Variants in GPHN observed in about 807,000 individuals in gnomAD.
GPHN encodes gephyrin.
Under a neutral mutation model 95.5 loss-of-function variants are expected in GPHN, and 17 were observed. That is an observed-to-expected ratio of 0.18 (90% confidence interval 0.12 to 0.27). GPHN has a LOEUF of 0.27. Among genes scored for constraint, GPHN ranks in the 10% least tolerant of loss-of-function variants. The probability of loss-of-function intolerance (pLI) is 1.00; values close to 1 mark genes in which losing one functional copy is unlikely to be tolerated. For missense variants in GPHN, 660 were observed against 978.1 expected, an observed-to-expected ratio of 0.67 and a Z score of 4.34; for synonymous variants, 320 against 322.5, an observed-to-expected ratio of 0.99 and a Z score of 0.08.
In GPHN at chr14:66,827,333, C is replaced by G. The variant is rs192950009; in HGVS notation, c.294+2767C>G. On this transcript the variant is annotated intron_variant, in intron 4 of 22. Transcript: ENST00000478722. ...GGGTGCAGAGGTTTGTTAGGAATAA[C>G]AAAAGGCACTCTGTACTGCTATCAC... Among the ~76,000 whole-genome samples the G allele has an allele frequency of 1.1e-3, 169 of 150,666 alleles. 1 individual carries two copies. Among genetic ancestry groups the G allele is most frequent in the Non-Finnish European group, 1.8e-3 (123 of 67,778 alleles).
intron 2 of GPHN, among the ~76,000 whole-genome samples, chr14:66,683,715 C>A (rs1333973178): frequency 6.6e-6 from 1 of 151,222 alleles, no homozygotes; most frequent in Non-Finnish European, 1.5e-5. Context: ...CAGTTTCTCA[C>A]GCCTGTAATC....
chr14:67,678,838 T>TAA, the GPHN span, among the ~76,000 whole-genome samples: 111 of 145,406 alleles, frequency 7.6e-4, no homozygotes, highest in Middle Eastern at 3.6e-3. Flanking sequence ...CCTGGAGTAG[T>TAA]AAAAAAAAAA....
At chr14:67,345,912 A>G in the GPHN span, 8 of 1,278,504 alleles carry the variant, frequency 6.3e-6, no homozygotes, top group South Asian at 2.5e-5. Context: ...TTAGAGTAAA[A>G]TATCTTCCCT....
At chr14:66,721,144 G>A (rs187869636) in intron 2 of GPHN, among the ~76,000 whole-genome samples, 1 of 152,228 alleles carries the variant, frequency 6.6e-6, no homozygotes, top group Admixed American at 6.5e-5. Context: ...TGATCTTAAA[G>A]TTATCAGAAA....
At chr14:66,582,787 T>A (rs1404226427) in intron 1 of GPHN, among the ~76,000 whole-genome samples, 3 of 152,138 alleles carry the variant, frequency 2.0e-5, no homozygotes, top group East Asian at 1.9e-4. Flanking sequence ...TCTATCATTG[T>A]TGGATATTTG....
the GPHN span, chr14:67,659,714 A>C: frequency 6.4e-7 from 1 of 1,573,392 alleles, no homozygotes; most frequent in Admixed American, 2.0e-5. Context: ...AAAACAAACA[A>C]AACAGCTAAA....
rs533079363 is a variant in GPHN at position 66,721,630 on chromosome 14, A to C, written c.143+40445A>C. Among the ~76,000 whole-genome samples the C allele has an allele frequency of 3.5e-4, 53 of 152,290 alleles. No homozygotes were observed. The South Asian group carries it at 0.011, about 30-fold the overall frequency. On this transcript the variant is annotated intron_variant, in intron 2 of 22. Transcript: ENST00000478722. ...GAACCCTCTGGGAACTCTCAATGTT[A>C]ATTTAAAGTCAAAGATACGTTATGT...
the GPHN span, among the ~76,000 whole-genome samples, chr14:67,293,190 A>G: frequency 6.6e-6 from 1 of 152,142 alleles, no homozygotes; most frequent in Non-Finnish European, 1.5e-5. Context: ...ATCTTAATAT[A>G]CTATGGGAGT....
At chr14:66,887,955 T>C (rs1474744590) in intron 5 of GPHN, among the ~76,000 whole-genome samples, 1 of 152,012 alleles carries the variant, frequency 6.6e-6, no homozygotes, top group African/African-American at 2.4e-5. Flanking sequence ...ATAACAGACA[T>C]AAACAGTGCC....
intron 11 of GPHN, among the ~76,000 whole-genome samples, chr14:67,064,259 A>G (rs1299829530): frequency 2.0e-5 from 3 of 152,206 alleles, no homozygotes; most frequent in Non-Finnish European, 2.9e-5. Flanking sequence ...TTTTTGAACC[A>G]GCCTTTCATC....
At chr14:66,943,892 C>G (rs2067575738) in intron 8 of GPHN, among the ~76,000 whole-genome samples, 1 of 152,056 alleles carries the variant, frequency 6.6e-6, no homozygotes, top group Non-Finnish European at 1.5e-5. Flanking sequence ...AATAAACAGG[C>G]ATAGATGGGG....
the GPHN span, among the ~76,000 whole-genome samples, chr14:67,662,764 CGTG>C: frequency 6.6e-6 from 1 of 151,882 alleles, no homozygotes; most frequent in African/African-American, 2.4e-5. Flanking sequence ...ATTAGCCGGG[CGTG>C]GTGGCAGGCA....
At chr14:67,555,712 A>C in the GPHN span, 1 of 1,473,204 alleles carries the variant, frequency 6.8e-7, no homozygotes, top group Middle Eastern at 1.8e-4. Flanking sequence ...TGAGATGGGC[A>C]CTTGAAGTCT....
the GPHN span, chr14:67,569,319 T>C: frequency 1.3e-6 from 1 of 756,334 alleles, no homozygotes; most frequent in Non-Finnish European, 2.3e-6. Flanking sequence ...CAGGGTTGGC[T>C]GGCCTACCCT....
chr14:67,308,754 C>T, the GPHN span, among the ~76,000 whole-genome samples: 1 of 151,858 alleles, frequency 6.6e-6, no homozygotes, highest in Non-Finnish European at 1.5e-5. Flanking sequence ...ATACCTTTAT[C>T]AATTAAAAAA....
At chr14:66,767,218 A>G (rs1244826940) in intron 2 of GPHN, among the ~76,000 whole-genome samples, 1 of 152,022 alleles carries the variant, frequency 6.6e-6, no homozygotes, top group Non-Finnish European at 1.5e-5. Flanking sequence ...TAATTCCCTT[A>G]GTTAGTCCCC....
chr14:66,640,169 C>G (rs2064316433), intron 1 of GPHN, among the ~76,000 whole-genome samples: 1 of 152,112 alleles, frequency 6.6e-6, no homozygotes, highest in Non-Finnish European at 1.5e-5. Context: ...GCCTGTAATC[C>G]CAGCACTTTG....
intron 4 of GPHN, among the ~76,000 whole-genome samples, chr14:66,826,856 C>G (rs117014151): frequency 0.013 from 1,910 of 152,278 alleles, 19 homozygotes; most frequent in Non-Finnish European, 0.018. Context: ...TCCAACCTCA[C>G]CCCTCAGTGA....
At chr14:67,705,002 C>T in the GPHN span, among the ~76,000 whole-genome samples, 2 of 152,188 alleles carry the variant, frequency 1.3e-5, no homozygotes, top group African/African-American at 4.8e-5. Context: ...AGGGAGGTCA[C>T]TCTGAAATCC....
Sources: gnomAD v4.1 joint callset for allele counts (sites outside exome capture counted in the v4.1 genomes callset) on GRCh38, gnomAD v4.1.1 for gene constraint, MANE v1.5 for transcripts, NCBI Gene and HGNC (gene_info 2026-07-23, HGNC 2026-07-21) for gene names.